Variants in ANKRD55 observed in about 807,000 individuals in gnomAD.
ANKRD55 encodes ankyrin repeat domain 55.
In ANKRD55, 41 loss-of-function variants were observed where a neutral mutation model predicts 60.6. The ratio of observed to expected loss-of-function variants is 0.68; its 90% CI spans 0.53 to 0.88. The LOEUF (loss-of-function observed/expected upper bound fraction) is 0.88, where lower values mean the gene tolerates loss of function less well. ANKRD55 is among the 40% of genes least tolerant of loss of function. ANKRD55 has a pLI of 0.00. For missense variants in ANKRD55, 732 were observed against 767.6 expected (o/e 0.95, Z 0.55); for synonymous variants, 264 against 290.3 (o/e 0.91, Z 0.92).
intron 2 of ANKRD55, chr5:56,192,713 C>A (rs1266446544): frequency 1.5e-6 from 2 of 1,372,396 alleles, no homozygotes; most frequent in Non-Finnish European, 2.1e-6. Context: ...TGATAATGGA[C>A]AGAATCATCT....
chr5:56,109,056 C>T (rs1001739343), intron 10 of ANKRD55, among the ~76,000 whole-genome samples: 3 of 151,638 alleles, frequency 2.0e-5, no homozygotes, highest in Admixed American at 6.6e-5. Context: ...CACACACACA[C>T]ACACACACAC....
chr5:56,204,761 T>C (rs1236802329), intron 2 of ANKRD55, among the ~76,000 whole-genome samples: 2 of 152,170 alleles, frequency 1.3e-5, no homozygotes, highest in African/African-American at 4.8e-5. Context: ...TTATGAAGGA[T>C]TATGCTAGCC....
chr5:56,221,707 C>A (rs988833766), intron 2 of ANKRD55, among the ~76,000 whole-genome samples: 41 of 152,386 alleles, frequency 2.7e-4, no homozygotes, highest in African/African-American at 7.2e-4. Flanking sequence ...TATCCCGTGC[C>A]TAGCTTGGAG....
intron 5 of ANKRD55, among the ~76,000 whole-genome samples, chr5:56,168,826 A>G (rs1758543703): frequency 6.6e-6 from 1 of 151,746 alleles, no homozygotes; most frequent in Non-Finnish European, 1.5e-5. Flanking sequence ...GCCACCTACC[A>G]CCCCCCTACA....
intron 3 of ANKRD55, among the ~76,000 whole-genome samples, chr5:56,178,615 G>T (rs1758788647): frequency 6.6e-6 from 1 of 151,742 alleles, no homozygotes; most frequent in Non-Finnish European, 1.5e-5. Context: ...AAAAACAAAA[G>T]CAACAACAAC....
chr5:56,118,812 T>C (rs2111697025), intron 8 of ANKRD55, among the ~76,000 whole-genome samples: 1 of 152,120 alleles, frequency 6.6e-6, no homozygotes, highest in Admixed American at 6.5e-5. Context: ...ATTAGAGAAA[T>C]GCAAATTAAA....
intron 9 of ANKRD55, among the ~76,000 whole-genome samples, chr5:56,115,587 G>A (rs1249065371): frequency 1.3e-5 from 2 of 152,032 alleles, no homozygotes; most frequent in African/African-American, 2.4e-5. Context: ...TTCCCAAAGT[G>A]CTAGGATTAC....
chr5:56,186,217 G>A (rs160933), intron 2 of ANKRD55, among the ~76,000 whole-genome samples: 45,189 of 152,056 alleles, frequency 0.3, 7,523 homozygotes, highest in African/African-American at 0.44. Context: ...ACCCATGCTG[G>A]AGTGCAGTGG....
intron 7 of ANKRD55, among the ~76,000 whole-genome samples, chr5:56,136,447 GA>G (rs999641167): frequency 1.3e-5 from 2 of 152,148 alleles, no homozygotes; most frequent in African/African-American, 4.8e-5. Flanking sequence ...CCAAGAAATA[GA>G]CCCACATAAT....
intron 7 of ANKRD55, among the ~76,000 whole-genome samples, chr5:56,142,319 G>A (rs1158244397): frequency 6.6e-6 from 1 of 152,176 alleles, no homozygotes; most frequent in Non-Finnish European, 1.5e-5. Context: ...GGGCTACAGA[G>A]TGAGACTCCA....
intron 7 of ANKRD55, among the ~76,000 whole-genome samples, chr5:56,141,735 A>T (rs1272717542): frequency 6.6e-6 from 1 of 152,200 alleles, no homozygotes; most frequent in East Asian, 1.9e-4. Context: ...ACTGGTAAAC[A>T]TAAAAAAAAG....
At chr5:56,159,434 C>G (rs1330322345) in intron 6 of ANKRD55, among the ~76,000 whole-genome samples, 1 of 151,666 alleles carries the variant, frequency 6.6e-6, no homozygotes, top group East Asian at 1.9e-4. Context: ...GCACTCCAGC[C>G]TGGGCAACAA....
At chr5:56,139,864 G>C (rs2111751570) in intron 7 of ANKRD55, among the ~76,000 whole-genome samples, 1 of 152,234 alleles carries the variant, frequency 6.6e-6, no homozygotes, top group Middle Eastern at 3.4e-3. Flanking sequence ...TTGAGTCCAG[G>C]AGTTCAAGAC....
Position 56,112,511 on chromosome 5 carries a change from A to AAAAAAAAAAAC in ANKRD55, c.966-730_966-729insGTTTTTTTTTT, listed in dbSNP as rs746250279. ...GCAGGATCTCATCTCTAGCAAAAAA[A>AAAAAAAAAAAC]AAAAAAAAAAACAACCAAGGAAAGA... On this transcript the variant is annotated intron_variant, in intron 9 of 11. Coordinates refer to ENST00000341048, the MANE Select transcript of ANKRD55 (RefSeq NM_024669.3). Among the ~76,000 whole-genome samples the AAAAAAAAAAAC allele has an allele frequency of 9.1e-4, 74 of 81,524 alleles. 4 individuals carry two copies. The highest frequency in any genetic ancestry group is 1.4e-3 in the Non-Finnish European group (61 of 42,484). The allele number at this position is 81,524 out of a possible 152,430, so 53.5% of individuals were successfully genotyped here.
intron 2 of ANKRD55, among the ~76,000 whole-genome samples, chr5:56,202,914 T>C (rs1457244870): frequency 6.6e-6 from 1 of 152,194 alleles, no homozygotes; most frequent in Non-Finnish European, 1.5e-5. Context: ...TGTTTCTGTG[T>C]TGAAATTCAG....
At chr5:56,194,370 TA>T (rs1271941256) in intron 2 of ANKRD55, among the ~76,000 whole-genome samples, 1 of 151,970 alleles carries the variant, frequency 6.6e-6, no homozygotes, top group African/African-American at 2.4e-5. Flanking sequence ...TCAGTGTTGT[TA>T]ATACAGCTCA....
intron 5 of ANKRD55, among the ~76,000 whole-genome samples, chr5:56,163,669 G>A (rs1023825363): frequency 6.6e-6 from 1 of 152,174 alleles, no homozygotes; most frequent in South Asian, 2.1e-4. Flanking sequence ...GACCTTGGGC[G>A]AGCTCCCAGT....
intron 7 of ANKRD55, 139 bp downstream of exon 7, chr5:56,143,662 G>T: frequency 2.4e-6 from 3 of 1,232,086 alleles, no homozygotes; most frequent in Non-Finnish European, 3.4e-6. Flanking sequence ...TTGCATCTTG[G>T]CAGGGTTTCT....
intron 8 of ANKRD55, chr5:56,125,729 C>A (rs563876558): frequency 2.6e-5 from 4 of 152,168 alleles, no homozygotes; most frequent in South Asian, 2.1e-4. Context: ...GTGGCCCCTG[C>A]GCAGGGATGA....
Sources: allele counts gnomAD v4.1 joint callset (sites outside exome capture counted in the v4.1 genomes callset), GRCh38; gene constraint gnomAD v4.1.1; transcripts MANE v1.5; gene names NCBI Gene and HGNC (gene_info 2026-07-23, HGNC 2026-07-21).